Variants in NAP1L1 observed in about 807,000 individuals in gnomAD.
NAP1L1 encodes nucleosome assembly protein 1-like 1.
In NAP1L1, 9 loss-of-function variants were observed where a neutral mutation model predicts 58.9. That is an observed-to-expected ratio of 0.15 (90% confidence interval 0.09 to 0.27). The LOEUF (loss-of-function observed/expected upper bound fraction) is 0.27. Ranked by LOEUF, NAP1L1 falls within the 10% of genes least tolerant of loss-of-function variation. The probability of loss-of-function intolerance (pLI) is 1.00; values close to 1 mark genes in which losing one functional copy is unlikely to be tolerated. For synonymous variants in NAP1L1, 130 were observed against 138.3 expected, an observed-to-expected ratio of 0.94 and a Z score of 0.42; for missense variants, 302 against 458.8, an observed-to-expected ratio of 0.66 and a Z score of 3.12.
chr12:76,083,340 A>C (rs1950479298), intron 1 of NAP1L1, among the ~76,000 whole-genome samples: 1 of 152,140 alleles, frequency 6.6e-6, no homozygotes, highest in Non-Finnish European at 1.5e-5. Context: ...TAAAGTCATA[A>C]AGGGCCAAAC....
rs959886555 is a variant in NAP1L1, at chr12:76,041,215, CTAGA to C, written c.*7210_*7213del. Reference sequence around the variant, plus strand: ...ATTATGGTTGGTACATTGAATGGGTCTAGATAAATCCTAACTGACCTATACATCC... The same window carrying C: ...ATTATGGTTGGTACATTGAATGGGTCTAAATCCTAACTGACCTATACATCC... On this transcript the variant is annotated 3_prime_UTR_variant, in exon 15 of 15. Transcript: ENST00000618691. 6.6e-6 allele frequency: 1 copy of C among 152,184 alleles called. No individual in the cohort carries two copies. The highest frequency in any genetic ancestry group is 2.4e-5 in the African/African-American group (1 of 41,452). The allele number at this position is 152,184 out of a possible 1,614,324, so 9.4% of individuals were successfully genotyped here.
At chr12:76,050,397 T>A in intron 12 of NAP1L1, 134 bp downstream of exon 12, 2 of 1,121,766 alleles carry the variant, frequency 1.8e-6, no homozygotes, top group Non-Finnish European at 2.5e-6. Context: ...AAAAGCTATA[T>A]ACAGAACATC....
rs762721436 is a variant in NAP1L1, at chr12:76,053,784, A to G, written c.756T>C (p.Ile252=). The change falls in exon 9 of 15, where the codon ATT becomes ATC. Residue 252 remains isoleucine, a synonymous_variant. Transcript: ENST00000618691. Reference sequence around the variant, plus strand: ...ATTAAACTCACCCTGTACAACCCATAATTTCTGGTCCATCAAAAGAAAAGG... The same window carrying G: ...ATTAAACTCACCCTGTACAACCCATGATTTCTGGTCCATCAAAAGAAAAGG... ...SDPFSFDGPE[I]MGCTGCQIDW... 3.8e-5 allele frequency: 61 copies of G among 1,609,066 alleles called. No homozygotes were observed. The highest frequency in any genetic ancestry group is 5.1e-5 in the Non-Finnish European group (60 of 1,178,920).
rs1337987765 is a variant in NAP1L1 at position 76,042,296 on chromosome 12, C to T, written c.*6133G>A. 1 of 152,142 alleles carries T rather than the reference C, an allele frequency of 6.6e-6. No homozygotes were observed. The highest frequency in any genetic ancestry group is 1.5e-5 in the Non-Finnish European group (1 of 68,028). The allele number at this position is 152,142 out of a possible 1,614,324, so 9.4% of individuals were successfully genotyped here. ...CTTATGTTTAGGAAGTGCTCATAGG[C>T]TCTAAGTACTTTTGTTTCCTTATTA... On this transcript the variant is annotated 3_prime_UTR_variant, in exon 15 of 15. Transcript: ENST00000618691.
Position 76,060,292 on chromosome 12 carries a change from A to G in NAP1L1, c.207-13T>C. On this transcript the variant is annotated splice_polypyrimidine_tract_variant and intron_variant, in intron 4 of 14. Coordinates refer to ENST00000618691, the MANE Select transcript of NAP1L1 (RefSeq NM_004537.7). ...TACCCTAGGCAGGCTGAAAGGTTAGAAATCAGTTATATAGCATCAGAGTAA... is the reference window on the plus strand; with the variant it reads ...TACCCTAGGCAGGCTGAAAGGTTAGGAATCAGTTATATAGCATCAGAGTAA... 6.2e-7 allele frequency: 1 copy of G among 1,613,006 alleles called. No individual in the cohort carries two copies. Among genetic ancestry groups the G allele is most frequent in the Non-Finnish European group, 8.5e-7 (1 of 1,179,506 alleles).
Position 76,063,430 on chromosome 12 carries a change from A to T in NAP1L1, c.207-3151T>A, listed in dbSNP as rs565570674. Among the ~76,000 whole-genome samples the T allele has an allele frequency of 1.9e-4, 29 of 152,350 alleles. No homozygotes were observed. The South Asian group carries it at 5.6e-3, about 29-fold the overall frequency. ...AGAAAGACCCAAAGTAAAATAAATT[A>T]AAAAATAGAGAAAGATGGCAGCAAT... is the stretch of plus-strand genomic sequence containing the variant. On this transcript the variant is annotated intron_variant, in intron 4 of 14. Coordinates refer to ENST00000618691, the MANE Select transcript of NAP1L1 (RefSeq NM_004537.7).
chr12:76,066,719 T>C (rs1949691959), intron 4 of NAP1L1, among the ~76,000 whole-genome samples: 2 of 152,148 alleles, frequency 1.3e-5, no homozygotes, highest in Non-Finnish European at 2.9e-5. Context: ...ACAGTATTTC[T>C]GGAAATCATG....
At chr12:76,057,506 G>A (rs1232671570) in intron 6 of NAP1L1, 3 of 688,382 alleles carry the variant, frequency 4.4e-6, no homozygotes, top group Admixed American at 4.1e-5. Flanking sequence ...AGCAGAGCTG[G>A]CGGGGCCTGT....
intron 1 of NAP1L1, among the ~76,000 whole-genome samples, chr12:76,076,495 AGG>A (rs1277598277): frequency 7.0e-4 from 104 of 148,732 alleles, no homozygotes; most frequent in Non-Finnish European, 3.1e-4. Flanking sequence ...GTTGATATGA[AGG>A]AACACTAAAG....
chr12:76,082,481 T>C (rs1950445494), intron 1 of NAP1L1, among the ~76,000 whole-genome samples: 1 of 152,244 alleles, frequency 6.6e-6, no homozygotes, highest in Non-Finnish European at 1.5e-5. Flanking sequence ...AGATAAAATT[T>C]AGAAAGATAT....
intron 12 of NAP1L1, 42 bp from the exon 13 acceptor site, chr12:76,049,827 A>G: frequency 6.2e-7 from 1 of 1,605,812 alleles, no homozygotes. Context: ...TGAATGTAAC[A>G]CACATTTCAG....
At chr12:76,067,087 TTTC>T (rs1222495448) in intron 4 of NAP1L1, among the ~76,000 whole-genome samples, 2 of 152,112 alleles carry the variant, frequency 1.3e-5, no homozygotes, top group African/African-American at 2.4e-5. Flanking sequence ...GAAATCTGTA[TTTC>T]TTCTAATTCT....
At chr12:76,071,795 A>AG (rs1949964108) in intron 2 of NAP1L1, among the ~76,000 whole-genome samples, 1 of 152,144 alleles carries the variant, frequency 6.6e-6, no homozygotes, top group Non-Finnish European at 1.5e-5. Context: ...AAAGGGTAAA[A>AG]TTCAGAACTT....
chr12:76,083,473 C>CAA (rs34033928), intron 1 of NAP1L1, among the ~76,000 whole-genome samples: 3,045 of 87,222 alleles, frequency 0.035, 21 homozygotes, highest in South Asian at 0.041. Flanking sequence ...CTTTTTTTTC[C>CAA]AAAAAAAAAA....
In NAP1L1 at chr12:76,055,106, AT is replaced by A; in HGVS notation, c.559-17del. 1 of 1,555,350 alleles carries A rather than the reference AT, an allele frequency of 6.4e-7. No homozygotes were observed. Among genetic ancestry groups the A allele is most frequent in the Non-Finnish European group, 8.7e-7 (1 of 1,142,900 alleles). On this transcript the variant is annotated splice_polypyrimidine_tract_variant and intron_variant, in intron 7 of 14. Transcript: ENST00000618691. Reference sequence around the variant, plus strand: ...CATCGTGTTCCTTCAAATTAAAAAAATAATAAAAATGAATAACATGGCATTC... The same window carrying A: ...CATCGTGTTCCTTCAAATTAAAAAAAAATAAAAATGAATAACATGGCATTC...
intron 4 of NAP1L1, among the ~76,000 whole-genome samples, chr12:76,065,108 A>C (rs1949602185): frequency 6.6e-6 from 1 of 152,134 alleles, no homozygotes; most frequent in Non-Finnish European, 1.5e-5. Context: ...TGTAACAATA[A>C]CACATCATGA....
At chr12:76,053,578 A>C (rs1948938615) in intron 9 of NAP1L1, among the ~76,000 whole-genome samples, 192 bp downstream of exon 9, 1 of 152,234 alleles carries the variant, frequency 6.6e-6, no homozygotes. Flanking sequence ...ATTCCTCTGC[A>C]AAAATATATG....
chr12:76,041,583 C>T lies in NAP1L1; in HGVS notation c.*6846G>A, dbSNP rs897873654. 6.6e-6 allele frequency: 1 copy of T among 152,208 alleles called. No homozygotes were observed. Among genetic ancestry groups the T allele is most frequent in the South Asian group, 2.1e-4 (1 of 4,828 alleles). The allele number at this position is 152,208 out of a possible 1,614,324, so 9.4% of individuals were successfully genotyped here. A position where few individuals can be genotyped will look rare whatever the true frequency, so the allele number is the denominator to read the frequency against. On this transcript the variant is annotated 3_prime_UTR_variant, in exon 15 of 15. Transcript: ENST00000618691. Reference sequence around the variant, plus strand: ...ATAGCAAAGACAACAGTTCCAGCCTCCAGTTTTGAAATCCATAGTTAAGTG... The same window carrying T: ...ATAGCAAAGACAACAGTTCCAGCCTTCAGTTTTGAAATCCATAGTTAAGTG...
chr12:76,061,035 T>C (rs1224767711), intron 4 of NAP1L1: 5 of 444,766 alleles, frequency 1.1e-5, no homozygotes, highest in African/African-American at 4.0e-5. Flanking sequence ...CGAGGCTGAA[T>C]TGAGCAAGAT....
Sources: gnomAD v4.1 joint callset for allele counts (sites outside exome capture counted in the v4.1 genomes callset) on GRCh38, gnomAD v4.1.1 for gene constraint, MANE v1.5 for transcripts, NCBI Gene and HGNC (gene_info 2026-07-23, HGNC 2026-07-21) for gene names.